PRKCA: variants seen among roughly 807,000 people sequenced by gnomAD.
The protein encoded by PRKCA is protein kinase C alpha type.
In PRKCA, 27 loss-of-function variants were observed where a neutral mutation model predicts 87.0. The observed-to-expected ratio is 0.31, with a 90% CI of 0.23 to 0.43. The LOEUF (loss-of-function observed/expected upper bound fraction) is 0.43, where lower values mean the gene tolerates loss of function less well. PRKCA is among the 20% of genes least tolerant of loss of function. The pLI is 1.00. For missense variants in PRKCA, 518 were observed against 852.3 expected (o/e 0.61, Z 4.88); for synonymous variants, 329 against 311.1 (o/e 1.06, Z -0.61).
At chr17:66,571,895 T>C (rs1398335795) in intron 3 of PRKCA, among the ~76,000 whole-genome samples, 2 of 152,192 alleles carry the variant, frequency 1.3e-5, no homozygotes, top group Non-Finnish European at 2.9e-5. Context: ...CAGATAACTA[T>C]TACTCTGTAT....
intron 2 of PRKCA, among the ~76,000 whole-genome samples, chr17:66,412,988 A>G (rs1378850132): frequency 6.6e-6 from 1 of 152,054 alleles, no homozygotes; most frequent in Non-Finnish European, 1.5e-5. Context: ...ACCCCCCACA[A>G]CACACACACC....
intron 3 of PRKCA, among the ~76,000 whole-genome samples, chr17:66,570,179 C>T (rs758187087): frequency 5.9e-5 from 9 of 152,198 alleles, no homozygotes; most frequent in African/African-American, 1.7e-4. Flanking sequence ...AGGCAACACT[C>T]ATCTCTAGTG....
In PRKCA at chr17:66,302,726, G is replaced by A; in HGVS notation, c.-126G>A. 1 of 611,630 alleles carries A rather than the reference G, an allele frequency of 1.6e-6. No individual in the cohort carries two copies. The highest frequency in any genetic ancestry group is 2.1e-6 in the Non-Finnish European group (1 of 485,616). The allele number at this position is 611,630 out of a possible 1,614,324, so 37.9% of individuals were successfully genotyped here. A position where few individuals can be genotyped will look rare whatever the true frequency, so the allele number is the denominator to read the frequency against. The stretch of plus-strand genomic sequence containing the variant: ...CGCCGCGCCCCCTCGCCGCGACCTC[G>A]GCCACCGGCCCGCGCCCCGCGCCCG... On this transcript the variant is annotated 5_prime_UTR_variant, in exon 1 of 17. Transcript: ENST00000413366.
At chr17:66,739,538 CAATT>C (rs759951552) in intron 11 of PRKCA, among the ~76,000 whole-genome samples, 2 of 152,118 alleles carry the variant, frequency 1.3e-5, no homozygotes, top group Admixed American at 6.5e-5. Flanking sequence ...AGTCACCTAA[CAATT>C]AATAGTGCGT....
Position 66,735,445 on chromosome 17 carries a change from A to T in PRKCA, c.1057-44A>T, listed in dbSNP as rs768823312. 3.0e-5 allele frequency: 48 copies of T among 1,612,392 alleles called. No individual in the cohort carries two copies. In the Middle Eastern group the frequency reaches 5.0e-4, roughly 17 times the overall value. On this transcript the variant is annotated intron_variant, in intron 9 of 16. Transcript: ENST00000413366. Reference sequence around the variant, plus strand: ...TGGTTCCTTCCCTCTGCCCCCCAAGATATGTGCTTACAAGTGTTCAGGTTG... The same window carrying T: ...TGGTTCCTTCCCTCTGCCCCCCAAGTTATGTGCTTACAAGTGTTCAGGTTG...
intron 10 of PRKCA, among the ~76,000 whole-genome samples, chr17:66,735,983 C>T (rs1974016129): frequency 6.9e-6 from 1 of 145,264 alleles, no homozygotes; most frequent in Admixed American, 7.0e-5. Context: ...TGCAGTGGCA[C>T]AGTCACGGCC....
chr17:66,511,995 TTC>T (rs1459023860), intron 3 of PRKCA, among the ~76,000 whole-genome samples: 2 of 152,116 alleles, frequency 1.3e-5, no homozygotes, highest in Non-Finnish European at 2.9e-5. Context: ...GATAGTGAAC[TTC>T]TGTCCATCCG....
chr17:66,550,862 G>T (rs906504292), intron 3 of PRKCA, among the ~76,000 whole-genome samples: 1 of 152,196 alleles, frequency 6.6e-6, no homozygotes, highest in Non-Finnish European at 1.5e-5. Context: ...TGTTGAGCAT[G>T]TAAGAGTGGG....
At chr17:66,721,403 A>G (rs941775203) in intron 8 of PRKCA, among the ~76,000 whole-genome samples, 2 of 151,942 alleles carry the variant, frequency 1.3e-5, no homozygotes, top group African/African-American at 4.8e-5. Context: ...CTCAAAAAAA[A>G]AAAAAAAAAA....
chr17:66,645,310 A>T, intron 4 of PRKCA, 73 bp from the exon 5 acceptor site: 1 of 1,602,054 alleles, frequency 6.2e-7, no homozygotes, highest in Non-Finnish European at 8.5e-7. Flanking sequence ...ACTTGTGCTC[A>T]TGCACCAAAA....
At chr17:66,630,498 C>G (rs749548602) in intron 3 of PRKCA, among the ~76,000 whole-genome samples, 4 of 152,238 alleles carry the variant, frequency 2.6e-5, no homozygotes, top group Non-Finnish European at 5.9e-5. Flanking sequence ...TTAGCTGCTT[C>G]AAGAAGCATT....
At chr17:66,603,323 T>G (rs9896134) in intron 3 of PRKCA, among the ~76,000 whole-genome samples, 1 of 151,996 alleles carries the variant, frequency 6.6e-6, no homozygotes, top group Non-Finnish European at 1.5e-5. Context: ...TCATCGCAGA[T>G]GCTTCATGTG....
At chr17:66,320,387 T>TA (rs1567770355) in intron 2 of PRKCA, among the ~76,000 whole-genome samples, 3 of 152,062 alleles carry the variant, frequency 2.0e-5, no homozygotes, top group Non-Finnish European at 4.4e-5. Flanking sequence ...TTTTTTTTTT[T>TA]TAAAAAAAGA....
At chr17:66,439,185 T>C (rs535741931) in intron 2 of PRKCA, among the ~76,000 whole-genome samples, 1 of 146,126 alleles carries the variant, frequency 6.8e-6, no homozygotes, top group South Asian at 2.3e-4. Flanking sequence ...TTTCTTTTCT[T>C]TCTTTTTTTT....
chr17:66,697,880 A>G (rs1972963956), intron 8 of PRKCA, among the ~76,000 whole-genome samples: 1 of 151,490 alleles, frequency 6.6e-6, no homozygotes, highest in Admixed American at 6.6e-5. Context: ...ACTCTGTGGG[A>G]TTGGGAGAAG....
At position 66,689,498 on chromosome 17, in the gene PRKCA, TG is replaced by T. The variant is rs2144040314; in HGVS notation, c.918+452del. Among the ~76,000 whole-genome samples the T allele has an allele frequency of 6.6e-6, 1 of 152,354 alleles. No individual in the cohort carries two copies. The highest frequency in any genetic ancestry group is 1.9e-4 in the East Asian group (1 of 5,188). ...AAGTACAAGGTTCCTAATTTTGTTC[TG>T]AAAGAGCAGCTTAAACAAATATGCC... On this transcript the variant is annotated intron_variant, in intron 8 of 16. Coordinates refer to ENST00000413366, the MANE Select transcript of PRKCA (RefSeq NM_002737.3). The surrounding 1 kb of genome is among the most constrained non-coding windows in gnomAD (Gnocchi z 4.1).
At chr17:66,656,402 C>G (rs1361320250) in intron 5 of PRKCA, among the ~76,000 whole-genome samples, 1 of 152,172 alleles carries the variant, frequency 6.6e-6, no homozygotes, top group Non-Finnish European at 1.5e-5. Flanking sequence ...CAAGATTACC[C>G]CATTAGCATA....
Position 66,445,690 on chromosome 17 carries a change from T to C in PRKCA, c.206-50511T>C, listed in dbSNP as rs552834369. 5.3e-5 allele frequency among the ~76,000 whole-genome samples: 8 copies of C among 152,320 alleles called. No homozygotes were observed. In the South Asian group the frequency reaches 1.7e-3, roughly 32 times the overall value. On this transcript the variant is annotated intron_variant, in intron 2 of 16. Transcript: ENST00000413366. ...GGGCTGTGAACAGTGCAGAAGTCCC[T>C]GTCTGTTCCCGTGATTTTGACAGAG...
chr17:66,483,057 C>T (rs887572120), intron 2 of PRKCA, among the ~76,000 whole-genome samples: 8 of 152,266 alleles, frequency 5.3e-5, no homozygotes, highest in Middle Eastern at 3.4e-3. Context: ...TGTGCTGTCC[C>T]GTAGAGCTGT....
Sources: allele counts gnomAD v4.1 joint callset (sites outside exome capture counted in the v4.1 genomes callset), GRCh38; gene constraint gnomAD v4.1.1; non-coding constraint Gnocchi (gnomAD v3.1); transcripts MANE v1.5; gene names NCBI Gene and HGNC (gene_info 2026-07-23, HGNC 2026-07-21).